The following COL19A1 variants were observed in gnomAD, a reference collection of about 807,000 sequenced individuals.
The protein encoded by COL19A1 is collagen alpha-1(XIX) chain.
COL19A1 carries 159 observed loss-of-function variants against 190.2 expected under a neutral mutation model. The observed-to-expected ratio is 0.84, with a 90% CI of 0.73 to 0.95. COL19A1 has a LOEUF of 0.95. Ranked by LOEUF, COL19A1 falls within the 40% of genes least tolerant of loss-of-function variation. The pLI, the probability that COL19A1 is intolerant of heterozygous loss-of-function variation, is 0.00. For missense variants in COL19A1, 1,418 were observed against 1,431.9 expected (o/e 0.99, Z 0.16); for synonymous variants, 509 against 458.9 (o/e 1.11, Z -1.39).
intron 2 of COL19A1, among the ~76,000 whole-genome samples, chr6:69,881,419 T>C (rs1768546672): frequency 6.6e-6 from 1 of 152,194 alleles, no homozygotes; most frequent in Non-Finnish European, 1.5e-5. Flanking sequence ...TTAACAAATT[T>C]TTAAGTGTAT....
chr6:70,120,103 CAA>C (rs1158884231), intron 16 of COL19A1, among the ~76,000 whole-genome samples: 1 of 152,050 alleles, frequency 6.6e-6, no homozygotes, highest in Non-Finnish European at 1.5e-5. Context: ...AAAACAACAA[CAA>C]AAAGAGTTTG....
At chr6:70,025,234 G>C (rs1778668068) in intron 12 of COL19A1, among the ~76,000 whole-genome samples, 2 of 152,072 alleles carry the variant, frequency 1.3e-5, no homozygotes, top group African/African-American at 4.8e-5. Context: ...GTTTCACCGT[G>C]TTAGCCAGGA....
chr6:69,921,819 C>T (rs1002422434), intron 4 of COL19A1, among the ~76,000 whole-genome samples: 4 of 149,422 alleles, frequency 2.7e-5, no homozygotes, highest in East Asian at 1.9e-4. Context: ...TATGTAGATT[C>T]GTATATATAT....
chr6:70,058,953 C>T (rs1056814350), intron 14 of COL19A1, among the ~76,000 whole-genome samples: 1 of 152,076 alleles, frequency 6.6e-6, no homozygotes, highest in East Asian at 1.9e-4. Context: ...AGAAAGTGCA[C>T]GTATAAAACA....
chr6:69,962,846 C>T lies in COL19A1; in HGVS notation c.1002C>T (p.Gly334=), dbSNP rs750784117. 6.2e-7 allele frequency: 1 copy of T among 1,607,512 alleles called. No homozygotes were observed. Among genetic ancestry groups the T allele is most frequent in the South Asian group, 1.1e-5 (1 of 90,152 alleles). ...TACAGGGAGAGCAAGGTTTTGAAGG[C>T]AGCAAAGGAGAAACTGGTGAAAAGG... The part of the protein sequence containing the change: ...PGQKGEQGFE[G]SKGETGEKGE... Residue 334 remains glycine, a synonymous_variant, in exon 11 of 51, where the codon GGC becomes GGT. Transcript: ENST00000620364.
chr6:69,912,498 C>T (rs942173990), intron 4 of COL19A1, among the ~76,000 whole-genome samples: 28 of 152,138 alleles, frequency 1.8e-4, no homozygotes, highest in Non-Finnish European at 3.4e-4. Flanking sequence ...CTTATCAATG[C>T]GTGTTGCTAT....
intron 16 of COL19A1, among the ~76,000 whole-genome samples, chr6:70,120,818 T>TA (rs1165187281): frequency 6.6e-6 from 1 of 152,216 alleles, no homozygotes; most frequent in Non-Finnish European, 1.5e-5. Flanking sequence ...AAGCTGCTCA[T>TA]AAGAAACACC....
chr6:70,075,840 A>G (rs1447936437), intron 15 of COL19A1, among the ~76,000 whole-genome samples: 2 of 152,226 alleles, frequency 1.3e-5, no homozygotes, highest in Non-Finnish European at 2.9e-5. Context: ...TAGTAAAGCA[A>G]CAGTGAGCTG....
chr6:70,176,397 C>T, intron 41 of COL19A1, 123 bp from the exon 42 acceptor site: 1 of 922,332 alleles, frequency 1.1e-6, no homozygotes, highest in South Asian at 1.9e-5. Context: ...CATCTAATAT[C>T]AATAACACTT....
intron 47 of COL19A1, among the ~76,000 whole-genome samples, 186 bp from the exon 48 acceptor site, chr6:70,190,129 A>G (rs1444146556): frequency 1.3e-5 from 2 of 152,202 alleles, no homozygotes; most frequent in Non-Finnish European, 2.9e-5. Context: ...ACACACTTCA[A>G]CTTCTTCCCA....
chr6:70,053,352 G>C (rs1231123095), intron 14 of COL19A1, among the ~76,000 whole-genome samples: 2 of 152,074 alleles, frequency 1.3e-5, no homozygotes, highest in Non-Finnish European at 2.9e-5. Context: ...ACTTTCTAGT[G>C]ACTGGTAAAT....
At chr6:69,898,822 C>T in intron 2 of COL19A1, 126 bp from the exon 3 acceptor site, 2 of 637,920 alleles carry the variant, frequency 3.1e-6, no homozygotes, top group Non-Finnish European at 2.7e-6. Flanking sequence ...TGTTCTTATC[C>T]TCATTTTACA....
chr6:70,130,552 A>G (rs1355451978), intron 18 of COL19A1, among the ~76,000 whole-genome samples: 2 of 152,170 alleles, frequency 1.3e-5, no homozygotes, highest in Non-Finnish European at 2.9e-5. Flanking sequence ...AGTGAATAGA[A>G]GGGCCCAGTA....
At chr6:70,120,474 T>C (rs192201061) in intron 16 of COL19A1, among the ~76,000 whole-genome samples, 2 of 152,296 alleles carry the variant, frequency 1.3e-5, no homozygotes, top group African/African-American at 4.8e-5. Context: ...GGCTAGATAC[T>C]TTGTGTAACA....
chr6:69,879,526 T>C lies in COL19A1; in HGVS notation c.-32-10T>C, dbSNP rs761043033. On this transcript the variant is annotated splice_polypyrimidine_tract_variant and intron_variant, in intron 1 of 50. Transcript: ENST00000620364. ...TAAACTTTATTCAAATTTTTTTTTT[T>C]CTGTTGCAGATCCGTGGCCGTTCAC... 1.9e-6 allele frequency: 3 copies of C among 1,553,396 alleles called. No homozygotes were observed. Among genetic ancestry groups the C allele is most frequent in the East Asian group, 2.2e-5 (1 of 44,634 alleles).
At chr6:70,140,172 A>G (rs1786149998) in intron 19 of COL19A1, among the ~76,000 whole-genome samples, 1 of 152,040 alleles carries the variant, frequency 6.6e-6, no homozygotes, top group Non-Finnish European at 1.5e-5. Flanking sequence ...CAGGACTCTC[A>G]GAGGATACCA....
At chr6:69,908,409 T>C (rs1770698753) in intron 4 of COL19A1, among the ~76,000 whole-genome samples, 1 of 152,212 alleles carries the variant, frequency 6.6e-6, no homozygotes, top group South Asian at 2.1e-4. Flanking sequence ...TTTTATGAGA[T>C]TGTATGACTG....
At chr6:70,161,869 C>T in intron 34 of COL19A1, 31 bp from the exon 35 acceptor site, 1 of 1,586,090 alleles carries the variant, frequency 6.3e-7, no homozygotes, top group Non-Finnish European at 8.6e-7. Flanking sequence ...AATGATATAA[C>T]AGATTTTATG....
chr6:70,060,282 A>G (rs997210888), intron 14 of COL19A1, among the ~76,000 whole-genome samples: 4 of 152,174 alleles, frequency 2.6e-5, no homozygotes, highest in African/African-American at 9.7e-5. Flanking sequence ...TGTTCTAACT[A>G]GGTGTTTTCT....
Sources: gnomAD v4.1 joint callset for allele counts (sites outside exome capture counted in the v4.1 genomes callset) on GRCh38, gnomAD v4.1.1 for gene constraint, MANE v1.5 for transcripts, NCBI Gene and HGNC (gene_info 2026-07-23, HGNC 2026-07-21) for gene names.